The following MACROD2 variants were observed in gnomAD, a reference collection of about 807,000 sequenced individuals.
MACROD2 encodes ADP-ribose glycohydrolase MACROD2.
MACROD2 carries 36 observed loss-of-function variants against 70.4 expected under a neutral mutation model. The observed-to-expected ratio is 0.51, with a 90% CI of 0.39 to 0.68. The LOEUF is 0.68. MACROD2 is among the 30% of genes least tolerant of loss of function. MACROD2 has a pLI of 0.00. For synonymous variants in MACROD2, 172 were observed against 178.8 expected, an observed-to-expected ratio of 0.96 and a Z score of 0.30; for missense variants, 496 against 538.4, an observed-to-expected ratio of 0.92 and a Z score of 0.78.
chr20:14,237,344 T>C (rs2081885475), intron 3 of MACROD2, among the ~76,000 whole-genome samples: 1 of 152,014 alleles, frequency 6.6e-6, no homozygotes. Flanking sequence ...TTGTATATAT[T>C]ATCATCTCTG....
chr20:14,981,028 G>A (rs1568910404), intron 5 of MACROD2, among the ~76,000 whole-genome samples: 1 of 142,468 alleles, frequency 7.0e-6, no homozygotes, highest in African/African-American at 2.6e-5. Flanking sequence ...AGAAGTGTGT[G>A]TGTGTGTGTG....
At chr20:15,194,245 C>CA (rs71190180) in intron 5 of MACROD2, among the ~76,000 whole-genome samples, 5,363 of 49,778 alleles carry the variant, frequency 0.11, 1,377 homozygotes, top group Admixed American at 0.13. Flanking sequence ...CACTCTGTCT[C>CA]AAAAAAAAAA....
At chr20:14,475,114 T>C (rs1394861595) in intron 3 of MACROD2, among the ~76,000 whole-genome samples, 1 of 152,042 alleles carries the variant, frequency 6.6e-6, no homozygotes, top group Non-Finnish European at 1.5e-5. Context: ...CTTATTTGTA[T>C]TTTGTTTTTT....
chr20:14,289,588 C>T (rs1468266125), intron 3 of MACROD2, among the ~76,000 whole-genome samples: 1 of 152,180 alleles, frequency 6.6e-6, no homozygotes, highest in African/African-American at 2.4e-5. Context: ...ACCCAGGCTG[C>T]TGGAGTACAG....
At chr20:15,061,206 AGCTGTCTTGCCCT>A (rs1471210339) in intron 5 of MACROD2, among the ~76,000 whole-genome samples, 1 of 152,142 alleles carries the variant, frequency 6.6e-6, no homozygotes, top group Non-Finnish European at 1.5e-5. Context: ...AATGTGCAGG[AGCTGTCTTGCCCT>A]GCCCACTCCC....
chr20:14,758,852 G>A (rs2071977256), intron 5 of MACROD2, among the ~76,000 whole-genome samples: 1 of 152,064 alleles, frequency 6.6e-6, no homozygotes, highest in Non-Finnish European at 1.5e-5. Context: ...TGCAAATCTT[G>A]AAATTGATCA....
chr20:14,914,593 G>A (rs1351880672), intron 5 of MACROD2, among the ~76,000 whole-genome samples: 3 of 152,162 alleles, frequency 2.0e-5, no homozygotes, highest in Middle Eastern at 3.2e-3. Flanking sequence ...AGCAGTTAGG[G>A]ATCCATCCAT....
intron 3 of MACROD2, among the ~76,000 whole-genome samples, chr20:14,433,800 AT>A (rs904007171): frequency 3.4e-4 from 51 of 150,168 alleles, no homozygotes; most frequent in Admixed American, 2.8e-3. Context: ...ACAGAGAAAC[AT>A]TTTTTTTTTC....
chr20:15,828,126 A>T (rs2064017137), intron 8 of MACROD2, among the ~76,000 whole-genome samples: 2 of 152,202 alleles, frequency 1.3e-5, no homozygotes, highest in South Asian at 4.1e-4. Flanking sequence ...GAGTAGATTG[A>T]AATATTCTTA....
intron 3 of MACROD2, among the ~76,000 whole-genome samples, chr20:14,214,890 A>C (rs557678851): frequency 6.6e-6 from 1 of 151,892 alleles, no homozygotes; most frequent in South Asian, 2.1e-4. Context: ...CACTTAGAAA[A>C]ATAGTCTCCA....
intron 8 of MACROD2, among the ~76,000 whole-genome samples, chr20:15,754,996 T>C (rs1224125922): frequency 6.6e-6 from 1 of 152,060 alleles, no homozygotes; most frequent in African/African-American, 2.4e-5. Context: ...GTAGTTGGGA[T>C]TACAGGTGTG....
At chr20:13,997,878 A>T (rs2052684281) in intron 1 of MACROD2, among the ~76,000 whole-genome samples, 1 of 152,074 alleles carries the variant, frequency 6.6e-6, no homozygotes, top group South Asian at 2.1e-4. Flanking sequence ...CCCAAGGAAG[A>T]GCTAAGGATT....
intron 8 of MACROD2, among the ~76,000 whole-genome samples, chr20:15,644,909 C>T (rs1360631559): frequency 6.6e-6 from 1 of 152,084 alleles, no homozygotes; most frequent in East Asian, 1.9e-4. Flanking sequence ...AGGCTGGTCT[C>T]GAACCCCTGA....
At chr20:15,124,349 A>AT (rs2076051317) in intron 5 of MACROD2, among the ~76,000 whole-genome samples, 1 of 47,188 alleles carries the variant, frequency 2.1e-5, no homozygotes, top group Non-Finnish European at 4.0e-5. Flanking sequence ...TTAATTTCCT[A>AT]GTTTTTTTTT....
At chr20:15,314,628 A>C (rs948748036) in intron 6 of MACROD2, among the ~76,000 whole-genome samples, 13 of 152,180 alleles carry the variant, frequency 8.5e-5, no homozygotes, top group Non-Finnish European at 1.8e-4. Context: ...GACTGATGCA[A>C]GTTGTTTGTC....
At chr20:14,787,299 C>T (rs1339263768) in intron 5 of MACROD2, among the ~76,000 whole-genome samples, 1 of 149,994 alleles carries the variant, frequency 6.7e-6, no homozygotes, top group African/African-American at 2.5e-5. Flanking sequence ...TATATTGTAA[C>T]GTGTGAAAAA....
chr20:14,157,714 A>C (rs900945102), intron 3 of MACROD2, among the ~76,000 whole-genome samples: 3 of 152,178 alleles, frequency 2.0e-5, no homozygotes, highest in Admixed American at 1.3e-4. Context: ...TTCACTTAAC[A>C]TAATGACCTC....
chr20:15,223,615 G>C (rs1449689808), intron 5 of MACROD2, among the ~76,000 whole-genome samples: 1 of 152,172 alleles, frequency 6.6e-6, no homozygotes, highest in Non-Finnish European at 1.5e-5. Flanking sequence ...TTGACTGATT[G>C]AGATAATAGG....
At chr20:14,263,101 G>A (rs1332146473) in intron 3 of MACROD2, among the ~76,000 whole-genome samples, 3 of 152,086 alleles carry the variant, frequency 2.0e-5, no homozygotes, top group East Asian at 1.9e-4. Flanking sequence ...CCATGTGGAG[G>A]GTGACTTTTC....
Sources: gnomAD v4.1 joint callset for allele counts (sites outside exome capture counted in the v4.1 genomes callset) on GRCh38, gnomAD v4.1.1 for gene constraint, MANE v1.5 for transcripts, NCBI Gene and HGNC (gene_info 2026-07-23, HGNC 2026-07-21) for gene names.